DPH7: variants seen among roughly 807,000 people sequenced by gnomAD.
DPH7 encodes diphthamide biosynthesis 7, also known as diphthine methyltransferase.
DPH7 carries 44 observed loss-of-function variants against 41.7 expected under a neutral mutation model. The ratio of observed to expected loss-of-function variants is 1.05; its 90% CI spans 0.83 to 1.36. DPH7 has a LOEUF of 1.36. DPH7 is among the 40% of genes most tolerant of loss of function. The pLI is 0.00. For missense variants in DPH7, 629 were observed against 577.5 expected (o/e 1.09, Z -0.91); for synonymous variants, 275 against 238.0 (o/e 1.16, Z -1.43).
At chr9:137,576,273 T>TCCAC in intron 2 of DPH7, 106 bp from the exon 3 acceptor site, 1 of 978,306 alleles carries the variant, frequency 1.0e-6, no homozygotes, top group Non-Finnish European at 1.6e-6. Flanking sequence ...GGGGCTGCAG[T>TCCAC]CCACGCAAAC....
chr9:137,577,423 G>C, intron 2 of DPH7, 47 bp downstream of exon 2: 1 of 1,587,938 alleles, frequency 6.3e-7, no homozygotes, highest in Non-Finnish European at 8.6e-7. Context: ...TTCCCTGATT[G>C]CTACTCATGA....
chr9:137,561,542 C>CAAAAAAA (rs557915176), intron 8 of DPH7, among the ~76,000 whole-genome samples: 4 of 52,238 alleles, frequency 7.7e-5, no homozygotes, highest in Admixed American at 2.6e-4. Flanking sequence ...GACTCCATCT[C>CAAAAAAA]AAAAAAAAAA....
At chr9:137,571,512 G>A (rs1588904255) in intron 5 of DPH7, among the ~76,000 whole-genome samples, 1 of 152,170 alleles carries the variant, frequency 6.6e-6, no homozygotes, top group Admixed American at 6.6e-5. Context: ...TAAGAAGGCT[G>A]AGTGCAGTGG....
Position 137,556,502 on chromosome 9 carries a change from A to G in DPH7, c.950-854T>C. 4.7e-6 allele frequency: 1 copy of G among 214,406 alleles called. No homozygotes were observed. The highest frequency in any genetic ancestry group is 5.9e-5 in the South Asian group (1 of 16,922). 13.3% of individuals were successfully genotyped at this position (214,406 alleles called of 1,614,324 possible). On this transcript the variant is annotated intron_variant, in intron 8 of 8. Coordinates refer to ENST00000277540, the MANE Select transcript of DPH7 (RefSeq NM_138778.5). The surrounding 1 kb of genome is among the most constrained non-coding windows in gnomAD (Gnocchi z 5.2). Reference sequence around the variant, plus strand: ...ATGAGTGCTGATGGAAGAAGGGCTGAGGGCAGAACAGGACCGCACTGGATT... The same window carrying G: ...ATGAGTGCTGATGGAAGAAGGGCTGGGGGCAGAACAGGACCGCACTGGATT...
intron 3 of DPH7, 29 bp from the exon 4 acceptor site, chr9:137,574,872 G>C: frequency 6.2e-7 from 1 of 1,612,432 alleles, no homozygotes; most frequent in Non-Finnish European, 8.5e-7. Flanking sequence ...CTCCATCAAA[G>C]GGAAGTAGCC....
At position 137,576,225 on chromosome 9, in the gene DPH7, T is replaced by G. The variant is rs1588942145; in HGVS notation, c.288-58A>C. 8 of 1,492,648 alleles carry G rather than the reference T, an allele frequency of 5.4e-6. No homozygotes were observed. In the East Asian group the frequency reaches 1.8e-4, roughly 34 times the overall value. The allele number at this position is 1,492,648 out of a possible 1,614,324, so 92.5% of individuals were successfully genotyped here. On this transcript the variant is annotated intron_variant, in intron 2 of 8. Transcript: ENST00000277540. ...GTGCCCGGAGCACAGGCGTGCACTG[T>G]GCGTCCCGGTAACCACAGTCACGCT...
chr9:137,561,297 A>T (rs2132895943), intron 8 of DPH7, among the ~76,000 whole-genome samples: 1 of 152,264 alleles, frequency 6.6e-6, no homozygotes, highest in East Asian at 1.9e-4. Context: ...TGAGGAACTA[A>T]GGAGGGCACA....
chr9:137,564,713 C>T, intron 7 of DPH7, 107 bp from the exon 8 acceptor site: 5 of 1,491,702 alleles, frequency 3.4e-6, no homozygotes, highest in Admixed American at 3.9e-5. Context: ...TCCCATGCAT[C>T]CCTCGAGGAC....
In DPH7 at chr9:137,577,491, G is replaced by A. The variant is rs1009387887; in HGVS notation, c.266C>T (p.Ser89Phe). The change falls in exon 2 of 9, where the codon TCT becomes TTT. Residue 89 changes from serine (S) to phenylalanine (F), a missense_variant. Physicochemically the swap from Ser to Phe is radical, Grantham distance 155 (BLOSUM62 -2). Coordinates refer to ENST00000277540, the MANE Select transcript of DPH7 (RefSeq NM_138778.5). ...ATACCATTTCATGTCCAGGATTGCA[G>A]AAGTATCTTTTCTTTGGACCTCGAC... ...PLVEVQRKDT[S>F]AILDMKWCHI... is the part of the protein sequence containing the mutation. The A allele has an allele frequency of 1.9e-6, 3 of 1,614,066 alleles. No homozygotes were observed. The highest frequency in any genetic ancestry group is 1.1e-5 in the South Asian group (1 of 91,080).
At chr9:137,577,381 G>T (rs1363562615) in intron 2 of DPH7, 89 bp downstream of exon 2, 1 of 1,319,000 alleles carries the variant, frequency 7.6e-7, no homozygotes, top group Non-Finnish European at 1.1e-6. Flanking sequence ...GAGATGCAAT[G>T]CCTGTCTTGT....
chr9:137,569,216 G>A (rs1839952237), intron 5 of DPH7, among the ~76,000 whole-genome samples: 1 of 151,630 alleles, frequency 6.6e-6, no homozygotes, highest in African/African-American at 2.4e-5. Context: ...GCATCATCCA[G>A]CTCCCACTAC....
In DPH7 at chr9:137,555,279, T is replaced by G; in HGVS notation, c.1319A>C (p.Tyr440Ser). 1.2e-6 allele frequency: 2 copies of G among 1,613,462 alleles called. No homozygotes were observed. Among genetic ancestry groups the G allele is most frequent in the Non-Finnish European group, 1.7e-6 (2 of 1,179,616 alleles). ...CTCCCAGAGGTGGAGCGCATGGTCA[T>G]AGAAGGAGCAGGTGGCCAGGAGGCT... ...AFSLLATCSF[Y>S]DHALHLWEWE... Residue 440 changes from tyrosine (Y) to serine (S), a missense_variant, in exon 9 of 9, where the codon TAT (tyrosine) becomes TCT (serine). Tyr to Ser is a moderately radical substitution (Grantham distance 144, BLOSUM62 -2). Coordinates refer to ENST00000277540, the MANE Select transcript of DPH7 (RefSeq NM_138778.5).
chr9:137,571,986 A>C (rs1011532601), intron 5 of DPH7, among the ~76,000 whole-genome samples: 4 of 152,158 alleles, frequency 2.6e-5, no homozygotes, highest in Non-Finnish European at 5.9e-5. Context: ...TAGAAGAACC[A>C]ACCCAAGGAG....
At position 137,576,316 on chromosome 9, in the gene DPH7, A is replaced by G. The variant is rs982373717; in HGVS notation, c.288-149T>C. 7.6e-6 allele frequency: 5 copies of G among 654,268 alleles called. No homozygotes were observed. In the East Asian group the frequency reaches 1.1e-4, roughly 14 times the overall value. 40.5% of individuals were successfully genotyped at this position (654,268 alleles called of 1,614,324 possible). The stretch of plus-strand genomic sequence containing the variant: ...GGACATCCTACTACACACCTTGATT[A>G]TATGGTATGGCCCACTGCTCCTATG... On this transcript the variant is annotated intron_variant, in intron 2 of 8. Coordinates refer to ENST00000277540, the MANE Select transcript of DPH7 (RefSeq NM_138778.5).
chr9:137,569,796 C>A (rs1473462058), intron 5 of DPH7, among the ~76,000 whole-genome samples: 2 of 149,184 alleles, frequency 1.3e-5, no homozygotes, highest in Non-Finnish European at 3.0e-5. Flanking sequence ...CACCATCTAT[C>A]CACGCCACCA....
At chr9:137,569,852 A>ACTC (rs1352656180) in intron 5 of DPH7, among the ~76,000 whole-genome samples, 2 of 83,734 alleles carry the variant, frequency 2.4e-5, no homozygotes, top group African/African-American at 9.6e-5. Flanking sequence ...CACACCCACC[A>ACTC]ACTCATCCAC....
chr9:137,575,982 A>G, intron 3 of DPH7, 98 bp downstream of exon 3: 1 of 1,583,016 alleles, frequency 6.3e-7, no homozygotes, highest in South Asian at 1.1e-5. Flanking sequence ...CATTGAAGAG[A>G]GATCGTTTTA....
chr9:137,565,149 C>T lies in DPH7; in HGVS notation c.646G>A (p.Asp216Asn), dbSNP rs764477312. Reference protein sequence around the residue: ...WHPEIVYSGGDDGLLRGWDTR... With the variant: ...WHPEIVYSGGNDGLLRGWDTR... ...TCCCAGCCCCTCAGAAGGCCATCGT[C>T]GCCCCCTGTGTGGAGAAAGAGAAGC... Residue 216 changes from aspartate to asparagine, a missense_variant, in exon 6 of 9, where the codon GAC (aspartate) becomes AAC (asparagine). Physicochemically the swap from Asp to Asn is conservative, Grantham distance 23. Transcript: ENST00000277540. The T allele has an allele frequency of 6.2e-6, 10 of 1,614,018 alleles. No individual in the cohort carries two copies. The East Asian group carries it at 8.9e-5, about 14-fold the overall frequency.
rs773542029 is a variant in DPH7, at chr9:137,565,044, G to C, written c.710+41C>G. 4 of 1,613,342 alleles carry C rather than the reference G, an allele frequency of 2.5e-6. No individual in the cohort carries two copies. The East Asian group carries it at 6.7e-5, about 27-fold the overall frequency. ...AGGGCTGGTGACCCAGGGAACGCGG[G>C]GGCTGGTGTGGGCACCGAGTGCTGG... On this transcript the variant is annotated intron_variant, in intron 6 of 8. Transcript: ENST00000277540.
Sources: allele counts gnomAD v4.1 joint callset (sites outside exome capture counted in the v4.1 genomes callset), GRCh38; gene constraint gnomAD v4.1.1; non-coding constraint Gnocchi (gnomAD v3.1); transcripts MANE v1.5; gene names NCBI Gene and HGNC (gene_info 2026-07-23, HGNC 2026-07-21).